The following PIGN variants were observed in gnomAD, a reference collection of about 807,000 sequenced individuals.
PIGN encodes phosphatidylinositol glycan anchor biosynthesis class N, also known as GPI ethanolamine phosphate transferase 1.
In PIGN, 117 loss-of-function variants were observed where a neutral mutation model predicts 125.4. That is an observed-to-expected ratio of 0.93 (90% CI 0.80 to 1.09). The LOEUF is 1.09. Ranked by LOEUF, PIGN falls within the 50% of genes least tolerant of loss-of-function variation. PIGN has a pLI of 0.00. For synonymous variants in PIGN, 392 were observed against 377.8 expected (o/e 1.04, Z -0.44); for missense variants, 1,075 against 1,094.9 (o/e 0.98, Z 0.26).
chr18:62,143,044 T>C (rs1599620140), intron 11 of PIGN, among the ~76,000 whole-genome samples: 1 of 152,226 alleles, frequency 6.6e-6, no homozygotes. Context: ...TTAAGAGGCA[T>C]GCAAATTTCA....
At chr18:62,127,454 T>C (rs1246016064) in intron 14 of PIGN, among the ~76,000 whole-genome samples, 1 of 151,670 alleles carries the variant, frequency 6.6e-6, no homozygotes, top group Non-Finnish European at 1.5e-5. Flanking sequence ...CACACCATCA[T>C]AAAGTCGAAA....
intron 25 of PIGN, chr18:62,088,360 AGTTCAGAATAAAATGCACATAAAAAGAT>A: frequency 6.4e-6 from 1 of 156,266 alleles, no homozygotes. Flanking sequence ...ATGTAATGTG[AGTTCAGAATAAAATGCACATAAAAAGAT>A]ATGAACTCAT....
intron 1 of PIGN, among the ~76,000 whole-genome samples, chr18:62,170,203 T>C (rs550685599): frequency 8.7e-4 from 132 of 152,338 alleles, no homozygotes; most frequent in African/African-American, 3.1e-3. Flanking sequence ...TGTGTTCTTG[T>C]CACAGAACCA....
intron 30 of PIGN, chr18:62,059,016 T>C (rs1482841038): frequency 6.6e-6 from 1 of 151,604 alleles, no homozygotes; most frequent in African/African-American, 2.4e-5. Context: ...AGTGAGACCC[T>C]GTCTCTAAAA....
intron 25 of PIGN, among the ~76,000 whole-genome samples, chr18:62,087,552 T>C (rs2033765695): frequency 6.6e-6 from 1 of 152,188 alleles, no homozygotes; most frequent in African/African-American, 2.4e-5. Flanking sequence ...AATTATAATT[T>C]AGGGAAATGC....
intron 30 of PIGN, chr18:62,051,754 C>A (rs566795475): frequency 6.6e-6 from 1 of 152,190 alleles, no homozygotes; most frequent in African/African-American, 2.4e-5. Context: ...CTTTTGAATA[C>A]GTTTGCTCTT....
intron 1 of PIGN, among the ~76,000 whole-genome samples, chr18:62,170,424 ACTAT>A (rs1256050322): frequency 6.6e-6 from 1 of 152,046 alleles, no homozygotes; most frequent in African/African-American, 2.4e-5. Flanking sequence ...CTTTTTCATT[ACTAT>A]TGTCAGTTAT....
At position 62,113,244 on chromosome 18, in the gene PIGN, A is replaced by C; in HGVS notation, c.1324T>G (p.Phe442Val). ...LSYYHTYDRF[F>V]LGVNVVIGFV... ...CCAATAACAACATTGACGCCCAAAA[A>C]GAATCTGTCATATGTGTGATAATAG... is the stretch of plus-strand genomic sequence containing the variant. The change falls in exon 16 of 31, where the codon TTT becomes GTT. Residue 442 changes from phenylalanine to valine, a missense_variant. Phe to Val is a conservative substitution (Grantham distance 50). Around this residue, in one of 3 missense-constraint regions of PIGN, gnomAD observed 915 missense variants for 908.7 expected, o/e 1.01. Coordinates refer to ENST00000640252, the MANE Select transcript of PIGN (RefSeq NM_176787.5). 1 of 1,613,156 alleles carries C rather than the reference A, an allele frequency of 6.2e-7. No homozygotes were observed. Among genetic ancestry groups the C allele is most frequent in the South Asian group, 1.1e-5 (1 of 91,042 alleles).
intron 23 of PIGN, among the ~76,000 whole-genome samples, chr18:62,093,223 A>G (rs1177200799): frequency 6.6e-6 from 1 of 152,116 alleles, no homozygotes; most frequent in East Asian, 1.9e-4. Context: ...TAAATGTCAT[A>G]GTTCTACAAA....
intron 23 of PIGN, among the ~76,000 whole-genome samples, chr18:62,020,165 C>T (rs1167466721): frequency 1.3e-5 from 2 of 152,290 alleles, no homozygotes; most frequent in South Asian, 4.1e-4. Context: ...GGAGCCTGAA[C>T]GGGTCTGGAG....
chr18:62,038,593 G>A (rs1474014697), downstream of PIGN, among the ~76,000 whole-genome samples: 1 of 152,146 alleles, frequency 6.6e-6, no homozygotes, highest in Non-Finnish European at 1.5e-5. Flanking sequence ...GAAATGCTGA[G>A]CAAAGGCACA....
At chr18:62,165,246 G>GC (rs1257813352) in intron 1 of PIGN, among the ~76,000 whole-genome samples, 1 of 152,146 alleles carries the variant, frequency 6.6e-6, no homozygotes, top group African/African-American at 2.4e-5. Context: ...GTTCTTCTCT[G>GC]CCATGTTATA....
chr18:62,125,271 C>CGTTTGTATATATGTGTATAA (rs1599579425), intron 14 of PIGN, among the ~76,000 whole-genome samples: 34 of 124,462 alleles, frequency 2.7e-4, no homozygotes, highest in East Asian at 1.4e-3. Flanking sequence ...TGTATAAACA[C>CGTTTGTATATATGTGTATAA]ACACACACAC....
At chr18:62,052,006 G>A (rs1259719133) in intron 30 of PIGN, 1 of 152,206 alleles carries the variant, frequency 6.6e-6, no homozygotes, top group Non-Finnish European at 1.5e-5. Flanking sequence ...ATGTAGTTGA[G>A]TGGTTTTGAG....
intron 1 of PIGN, among the ~76,000 whole-genome samples, chr18:62,175,616 T>A (rs535138442): frequency 6.6e-6 from 1 of 152,266 alleles, no homozygotes; most frequent in African/African-American, 2.4e-5. Context: ...GCTCCCAAAG[T>A]GCTGGGATTA....
At chr18:62,088,882 T>G (rs2033834511) in intron 24 of PIGN, 40 bp from the exon 25 acceptor site, 1 of 1,188,118 alleles carries the variant, frequency 8.4e-7, no homozygotes, top group African/African-American at 1.5e-5. Flanking sequence ...ACAATAACAG[T>G]TGGCTTATTT....
chr18:62,047,601 A>C (rs1177640885), intron 30 of PIGN, among the ~76,000 whole-genome samples: 1 of 152,122 alleles, frequency 6.6e-6, no homozygotes, highest in East Asian at 1.9e-4. Context: ...AGCAGTAAGG[A>C]GCTCCCTCTC....
Position 62,082,684 on chromosome 18 carries a change from T to C in PIGN, c.2565A>G (p.Leu855=). 6.5e-7 allele frequency: 1 copy of C among 1,536,980 alleles called. No homozygotes were observed. Residue 855 remains leucine (L), a synonymous_variant, in exon 28 of 31, where the codon TTA becomes TTG. Coordinates refer to ENST00000640252, the MANE Select transcript of PIGN (RefSeq NM_176787.5). ...CTAATTCATCTTACCTTTTTGACGATAACTGAGTAGTCAACTGAACTGCTT... is the reference window on the plus strand; with the variant it reads ...CTAATTCATCTTACCTTTTTGACGACAACTGAGTAGTCAACTGAACTGCTT... ...AFEAVQLTTQ[L]SSKSLFLIVL... is the part of the protein sequence containing the mutation.
Position 62,140,445 on chromosome 18 carries a change from C to A in PIGN, c.998G>T (p.Gly333Val). ...DIAPLMTSLI[G>V]VPFPLNSVGI... ...CACTGAGTTAAGAGGAAAGGGAACT[C>A]CAATAAGGGAAGTCATCAATGGTGC... The change falls in exon 12 of 31, where the codon GGA becomes GTA. Residue 333 changes from glycine to valine, a missense_variant. By Grantham distance (109) the Gly-to-Val change is moderately radical. Coordinates refer to ENST00000640252, the MANE Select transcript of PIGN (RefSeq NM_176787.5). The A allele has an allele frequency of 6.4e-7, 1 of 1,552,184 alleles. No homozygotes were observed. The highest frequency in any genetic ancestry group is 1.2e-5 in the South Asian group (1 of 84,774).
Sources: gnomAD v4.1 joint callset for allele counts (sites outside exome capture counted in the v4.1 genomes callset) on GRCh38, gnomAD v4.1.1 for gene constraint, gnomAD v4.1.1 regional missense constraint, MANE v1.5 for transcripts, NCBI Gene and HGNC (gene_info 2026-07-23, HGNC 2026-07-21) for gene names.